DSCAML1: variants seen among roughly 807,000 people sequenced by gnomAD.
DSCAML1 encodes DS cell adhesion molecule like 1, also known as cell adhesion molecule DSCAML1.
In DSCAML1, 38 loss-of-function variants were observed where a neutral mutation model predicts 200.5. That is an observed-to-expected ratio of 0.19 (90% CI 0.15 to 0.25). The LOEUF (loss-of-function observed/expected upper bound fraction) is 0.25, where lower values mean the gene tolerates loss of function less well. Among genes scored for constraint, DSCAML1 ranks in the 10% least tolerant of loss-of-function variants. The probability of loss-of-function intolerance (pLI) is 1.00; values close to 1 mark genes in which losing one functional copy is unlikely to be tolerated. For synonymous variants in DSCAML1, 1,215 were observed against 1,165.0 expected, an observed-to-expected ratio of 1.04 and a Z score of -0.87; for missense variants, 2,223 against 2,858.8, an observed-to-expected ratio of 0.78 and a Z score of 5.07.
intron 3 of DSCAML1, among the ~76,000 whole-genome samples, chr11:117,732,666 T>TTC (rs1022585218): frequency 3.7e-4 from 56 of 152,292 alleles, no homozygotes; most frequent in African/African-American, 1.2e-3. Context: ...CTGCTGTCAC[T>TTC]TCTGAAAGGT....
chr11:117,816,808 G>C lies in DSCAML1; in HGVS notation c.-250+582C>G, dbSNP rs77074116. ...AGAGTTCGGAATTGCTGGGGGGGTGGGGTGGAGATTTCTCCTGATGCCCCA... is the reference window on the plus strand; with the variant it reads ...AGAGTTCGGAATTGCTGGGGGGGTGCGGTGGAGATTTCTCCTGATGCCCCA... On this transcript the variant is annotated intron_variant, in intron 1 of 2. Transcript: ENST00000525836. Among the ~76,000 whole-genome samples the C allele has an allele frequency of 1.8e-3, 230 of 128,180 alleles. 1 individual carries two copies. The highest frequency in any genetic ancestry group is 0.016 in the Middle Eastern group (4 of 250). The allele number at this position is 128,180 out of a possible 152,430, so 84.1% of individuals were successfully genotyped here. A position where few individuals can be genotyped will look rare whatever the true frequency, so the allele number is the denominator to read the frequency against.
At chr11:117,720,722 T>C (rs938427335) in intron 3 of DSCAML1, among the ~76,000 whole-genome samples, 1 of 152,206 alleles carries the variant, frequency 6.6e-6, no homozygotes, top group East Asian at 1.9e-4. Flanking sequence ...TCCTCATCTG[T>C]AAAATGGTGC....
chr11:117,733,396 A>G (rs1236248314), intron 3 of DSCAML1, among the ~76,000 whole-genome samples: 1 of 152,084 alleles, frequency 6.6e-6, no homozygotes, highest in African/African-American at 2.4e-5. Context: ...ATGTGCCTCT[A>G]TCTGCATGGA....
In DSCAML1 at chr11:117,444,054, CAA is replaced by C. The variant is rs566266956; in HGVS notation, c.3709-17_3709-16del. 6.7e-4 allele frequency: 1,080 copies of C among 1,602,198 alleles called. 2 individuals carry two copies. The highest frequency in any genetic ancestry group is 5.6e-3 in the Middle Eastern group (33 of 5,856). On this transcript the variant is annotated splice_polypyrimidine_tract_variant and intron_variant, in intron 20 of 32. Transcript: ENST00000651296. ...TCGCTGGGAGCCTGCGGGGCAGAGGCAAAGAGGCTCTAAGAAGCAGAACTGGG... is the reference window on the plus strand; with the variant it reads ...TCGCTGGGAGCCTGCGGGGCAGAGGCAGAGGCTCTAAGAAGCAGAACTGGG...
At chr11:117,760,802 C>T (rs751875601) in intron 3 of DSCAML1, among the ~76,000 whole-genome samples, 1 of 152,176 alleles carries the variant, frequency 6.6e-6, no homozygotes, top group African/African-American at 2.4e-5. Context: ...CACATGGGCA[C>T]AGTTTGTCAA....
At chr11:117,572,003 A>C (rs746826037) in intron 3 of DSCAML1, among the ~76,000 whole-genome samples, 1 of 152,232 alleles carries the variant, frequency 6.6e-6, no homozygotes, top group South Asian at 2.1e-4. Flanking sequence ...TATGGTCTAA[A>C]AAGGGGAGGC....
intron 3 of DSCAML1, among the ~76,000 whole-genome samples, chr11:117,734,331 G>A (rs1942928): frequency 0.81 from 122,832 of 152,156 alleles, 52,385 homozygotes; most frequent in Non-Finnish European, 0.94. Flanking sequence ...TGATGGAAAA[G>A]GTGGGGAGAG....
At chr11:117,591,645 G>A (rs972231839) in intron 3 of DSCAML1, among the ~76,000 whole-genome samples, 98 of 152,210 alleles carry the variant, frequency 6.4e-4, no homozygotes, top group Non-Finnish European at 4.4e-4. Context: ...GCATTCCTTC[G>A]GAGTCCTCTT....
At chr11:117,570,344 C>G (rs1481333530) in intron 3 of DSCAML1, among the ~76,000 whole-genome samples, 2 of 152,180 alleles carry the variant, frequency 1.3e-5, no homozygotes, top group African/African-American at 4.8e-5. Context: ...TGCCGTTCTG[C>G]TTCTCCTTAG....
At chr11:117,497,444 G>A (rs943702852) in intron 11 of DSCAML1, among the ~76,000 whole-genome samples, 1 of 152,202 alleles carries the variant, frequency 6.6e-6, no homozygotes. Flanking sequence ...GGCTGCGGCG[G>A]GGAGCCTGGC....
At chr11:117,592,299 A>G (rs927990221) in intron 3 of DSCAML1, among the ~76,000 whole-genome samples, 3 of 151,992 alleles carry the variant, frequency 2.0e-5, no homozygotes, top group Admixed American at 6.5e-5. Flanking sequence ...ACTGCCTAGG[A>G]GCTTGGATGG....
chr11:117,789,730 G>T (rs766275983), intron 1 of DSCAML1, among the ~76,000 whole-genome samples: 3 of 152,140 alleles, frequency 2.0e-5, no homozygotes, highest in Non-Finnish European at 2.9e-5. Context: ...AGTGGAAGAG[G>T]GCTTTGCCTT....
rs552281317 is a variant in DSCAML1 at position 117,438,224 on chromosome 11, C to T, written c.4244-141G>A. 27 of 735,116 alleles carry T rather than the reference C, an allele frequency of 3.7e-5. No homozygotes were observed. In the East Asian group the frequency reaches 7.0e-4, roughly 19 times the overall value. 45.5% of individuals were successfully genotyped at this position (735,116 alleles called of 1,614,324 possible). On this transcript the variant is annotated intron_variant, in intron 24 of 32. Coordinates refer to ENST00000651296, the MANE Select transcript of DSCAML1 (RefSeq NM_020693.4). ...TGGTCATTGGAACGGGCATATGCTCCTTAGAAGCAAAATTGGAAGGATCAG... is the reference window on the plus strand; with the variant it reads ...TGGTCATTGGAACGGGCATATGCTCTTTAGAAGCAAAATTGGAAGGATCAG...
chr11:117,512,799 A>ACACC (rs1555179362), intron 8 of DSCAML1, among the ~76,000 whole-genome samples: 2,907 of 137,506 alleles, frequency 0.021, 54 homozygotes, highest in Middle Eastern at 0.033. Context: ...ACACACACAC[A>ACACC]CACCCCTCCC....
intron 8 of DSCAML1, among the ~76,000 whole-genome samples, chr11:117,514,474 G>A (rs949030119): frequency 2.6e-5 from 4 of 151,894 alleles, no homozygotes; most frequent in African/African-American, 4.8e-5. Context: ...TCCCTGGCTC[G>A]GGGCCATTCT....
At chr11:117,577,387 T>TCCTCCCTCCCTC (rs142164370) in intron 3 of DSCAML1, among the ~76,000 whole-genome samples, 1 of 138,618 alleles carries the variant, frequency 7.2e-6, no homozygotes, top group Non-Finnish European at 1.6e-5. Context: ...TTTCCTTCCT[T>TCCTCCCTCCCTC]CCTCCCTCCC....
chr11:117,441,777 G>A (rs894666234), intron 21 of DSCAML1, among the ~76,000 whole-genome samples: 1 of 152,152 alleles, frequency 6.6e-6, no homozygotes, highest in Non-Finnish European at 1.5e-5. Context: ...GAGCAGGGGA[G>A]TTCTGGGGTC....
chr11:117,486,632 A>G (rs942870473), intron 11 of DSCAML1, among the ~76,000 whole-genome samples: 2 of 152,228 alleles, frequency 1.3e-5, no homozygotes, highest in African/African-American at 4.8e-5. Context: ...GCAAGACTGT[A>G]TAAGACCCAT....
intron 20 of DSCAML1, among the ~76,000 whole-genome samples, chr11:117,445,906 A>G (rs1484549248): frequency 6.6e-6 from 1 of 152,234 alleles, no homozygotes; most frequent in African/African-American, 2.4e-5. Context: ...CCCCAAATAA[A>G]GTTCCAGTGG....
Sources: gnomAD v4.1 joint callset for allele counts (sites outside exome capture counted in the v4.1 genomes callset) on GRCh38, gnomAD v4.1.1 for gene constraint, MANE v1.5 for transcripts, NCBI Gene and HGNC (gene_info 2026-07-23, HGNC 2026-07-21) for gene names.